ACBD6: variants seen among roughly 807,000 people sequenced by gnomAD.
The protein encoded by ACBD6 is acyl-CoA-binding domain-containing protein 6.
Under a neutral mutation model 37.2 loss-of-function variants are expected in ACBD6, and 28 were observed. The observed-to-expected ratio is 0.75, with a 90% CI of 0.56 to 1.03. The LOEUF is 1.03. ACBD6 is among the 50% of genes least tolerant of loss of function. The pLI is 0.00. For synonymous variants in ACBD6, 113 were observed against 126.8 expected (o/e 0.89, Z 0.73); for missense variants, 340 against 337.4 (o/e 1.01, Z -0.06).
At chr1:180,403,421 T>C (rs1184648448) in intron 5 of ACBD6, among the ~76,000 whole-genome samples, 2 of 152,198 alleles carry the variant, frequency 1.3e-5, no homozygotes, top group Non-Finnish European at 2.9e-5. Flanking sequence ...AAGTGTACTG[T>C]TGTCTGTGTA....
chr1:180,414,528 C>T (rs148837621), intron 4 of ACBD6, among the ~76,000 whole-genome samples: 54 of 152,254 alleles, frequency 3.5e-4, no homozygotes, highest in African/African-American at 1.1e-3. Flanking sequence ...TTCTTTAAGC[C>T]GCTTAAGTAT....
intron 4 of ACBD6, 66 bp from the exon 5 acceptor site, chr1:180,413,537 C>T: frequency 8.0e-7 from 1 of 1,248,234 alleles, no homozygotes; most frequent in Non-Finnish European, 1.2e-6. Context: ...ATTTTCAACA[C>T]AATCTGTTTG....
intron 5 of ACBD6, among the ~76,000 whole-genome samples, chr1:180,403,630 T>C (rs1294234483): frequency 6.6e-6 from 1 of 152,206 alleles, no homozygotes; most frequent in Non-Finnish European, 1.5e-5. Flanking sequence ...TGTACACCTA[T>C]GTTCAGAGCA....
chr1:180,439,781 T>C (rs1460872883), intron 3 of ACBD6, among the ~76,000 whole-genome samples: 2 of 152,202 alleles, frequency 1.3e-5, no homozygotes, highest in African/African-American at 2.4e-5. Context: ...GGTACCTCAA[T>C]CTCTGATGGA....
rs191290014 is a variant in ACBD6 at position 180,363,078 on chromosome 1, C to T, written c.663+34438G>A. On this transcript the variant is annotated intron_variant, in intron 6 of 7. Transcript: ENST00000367595. Reference sequence around the variant, plus strand: ...ATTAACATATTTTGCAAAAATTTAACATGTAGGTCCTTTTTCTCTGGTGTT... The same window carrying T: ...ATTAACATATTTTGCAAAAATTTAATATGTAGGTCCTTTTTCTCTGGTGTT... Among the ~76,000 whole-genome samples, 792 of 152,268 alleles carry T rather than the reference C, an allele frequency of 5.2e-3. 5 individuals are homozygous for T. Among genetic ancestry groups the T allele is most frequent in the African/African-American group, 0.018 (733 of 41,550 alleles).
At chr1:180,464,408 G>A (rs1650270131) in intron 3 of ACBD6, among the ~76,000 whole-genome samples, 1 of 151,574 alleles carries the variant, frequency 6.6e-6, no homozygotes, top group Non-Finnish European at 1.5e-5. Context: ...CAAAATGAAG[G>A]GCTAAATCAG....
chr1:180,321,840 T>A (rs1350031412), intron 6 of ACBD6, among the ~76,000 whole-genome samples: 2 of 152,208 alleles, frequency 1.3e-5, no homozygotes, highest in Non-Finnish European at 2.9e-5. Flanking sequence ...GACTTCTTCC[T>A]TTCCAATTTG....
intron 6 of ACBD6, among the ~76,000 whole-genome samples, chr1:180,338,476 T>C (rs934977106): frequency 6.6e-6 from 1 of 152,232 alleles, no homozygotes; most frequent in Admixed American, 6.5e-5. Context: ...GCTAGCCATA[T>C]GTAGAAAGCT....
At chr1:180,499,418 A>C (rs2102105260) in intron 1 of ACBD6, among the ~76,000 whole-genome samples, 1 of 152,332 alleles carries the variant, frequency 6.6e-6, no homozygotes, top group Non-Finnish European at 1.5e-5. Flanking sequence ...TAAACACCAT[A>C]AAGTCAAGTT....
intron 6 of ACBD6, among the ~76,000 whole-genome samples, chr1:180,325,093 A>C (rs958620788): frequency 3.3e-5 from 5 of 152,052 alleles, no homozygotes; most frequent in Non-Finnish European, 7.4e-5. Context: ...CTTTAGGTTA[A>C]AACTGTTCTA....
intron 1 of ACBD6, among the ~76,000 whole-genome samples, chr1:180,497,748 T>C (rs1050235479): frequency 6.6e-6 from 1 of 152,234 alleles, no homozygotes; most frequent in African/African-American, 2.4e-5. Context: ...TAGAAGCCAG[T>C]TGCATTTGCA....
intron 4 of ACBD6, among the ~76,000 whole-genome samples, chr1:180,419,659 T>C (rs547850079): frequency 6.6e-5 from 10 of 152,210 alleles, no homozygotes; most frequent in South Asian, 4.1e-4. Flanking sequence ...CGATAAACAG[T>C]TGATAAATTT....
chr1:180,366,934 A>G (rs1297666695), intron 6 of ACBD6, among the ~76,000 whole-genome samples: 1 of 152,204 alleles, frequency 6.6e-6, no homozygotes, highest in Non-Finnish European at 1.5e-5. Flanking sequence ...CTGCAGTGAA[A>G]ATACCAGGGG....
At chr1:180,284,513 C>T (rs538622622), downstream of ACBD6, among the ~76,000 whole-genome samples, 2 of 151,854 alleles carry the variant, frequency 1.3e-5, no homozygotes, top group Admixed American at 6.6e-5. Context: ...TACAGGCATG[C>T]GCCACCATGC....
intron 3 of ACBD6, among the ~76,000 whole-genome samples, chr1:180,432,845 G>A (rs1391703523): frequency 1.3e-5 from 2 of 151,732 alleles, no homozygotes; most frequent in African/African-American, 2.4e-5. Flanking sequence ...AATCTACCAT[G>A]ACTGAATCAC....
Position 180,435,550 on chromosome 1 carries a change from C to T in ACBD6, c.385-5288G>A, listed in dbSNP as rs758584035. The T allele has an allele frequency of 6.1e-5, 55 of 908,876 alleles. 1 individual carries two copies. Among genetic ancestry groups the T allele is most frequent in the South Asian group, 4.2e-4 (28 of 66,220 alleles). 56.3% of individuals were successfully genotyped at this position (908,876 alleles called of 1,614,324 possible). Reference sequence around the variant, plus strand: ...ACAGGCATGAGCGACCATGCCCAGCCTGGATGAATTTTGAGACTGCAAAGT... The same window carrying T: ...ACAGGCATGAGCGACCATGCCCAGCTTGGATGAATTTTGAGACTGCAAAGT... On this transcript the variant is annotated intron_variant, in intron 3 of 7. Coordinates refer to ENST00000367595, the MANE Select transcript of ACBD6 (RefSeq NM_032360.4).
chr1:180,435,484 C>T, intron 3 of ACBD6: 2 of 537,142 alleles, frequency 3.7e-6, no homozygotes, highest in Admixed American at 3.1e-5. Flanking sequence ...ATCTCCTGAC[C>T]TCGTGATCCG....
chr1:180,332,183 C>T (rs1651511768), intron 6 of ACBD6, among the ~76,000 whole-genome samples: 1 of 152,158 alleles, frequency 6.6e-6, no homozygotes, highest in African/African-American at 2.4e-5. Flanking sequence ...TGTTTTAAGC[C>T]ACCTAGTTTG....
chr1:180,335,055 G>A (rs1250397860), intron 6 of ACBD6, among the ~76,000 whole-genome samples: 4 of 152,150 alleles, frequency 2.6e-5, no homozygotes, highest in Non-Finnish European at 4.4e-5. Context: ...TGAAAGTGAT[G>A]GGGAGAAGGG....
Sources: allele counts gnomAD v4.1 joint callset (sites outside exome capture counted in the v4.1 genomes callset), GRCh38; gene constraint gnomAD v4.1.1; transcripts MANE v1.5; gene names NCBI Gene and HGNC (gene_info 2026-07-23, HGNC 2026-07-21).